Variants in AGBL4 observed in about 807,000 individuals in gnomAD.
The protein encoded by AGBL4 is AGBL carboxypeptidase 4, also known as cytosolic carboxypeptidase 6.
AGBL4 carries 58 observed loss-of-function variants against 66.4 expected under a neutral mutation model. That is an observed-to-expected ratio of 0.87 (90% CI 0.71 to 1.09). AGBL4 has a LOEUF of 1.09. Among genes scored for constraint, AGBL4 ranks in the 50% least tolerant of loss-of-function variants. The probability of loss-of-function intolerance (pLI) is 0.00; values close to 1 mark genes in which losing one functional copy is unlikely to be tolerated. For synonymous variants in AGBL4, 234 were observed against 222.9 expected (o/e 1.05, Z -0.44); for missense variants, 579 against 631.0 (o/e 0.92, Z 0.88).
chr1:48,953,019 G>A (rs1224377311), intron 5 of AGBL4, among the ~76,000 whole-genome samples: 4 of 152,120 alleles, frequency 2.6e-5, no homozygotes, highest in African/African-American at 7.2e-5. Flanking sequence ...GTTTCCGTGC[G>A]TGAAAATGGT....
chr1:49,838,609 A>G (rs560952553), intron 2 of AGBL4, among the ~76,000 whole-genome samples: 1 of 152,230 alleles, frequency 6.6e-6, no homozygotes, highest in Non-Finnish European at 1.5e-5. Flanking sequence ...AGTATATTAT[A>G]AAAATATTAT....
chr1:49,258,246 C>T (rs942997998), intron 3 of AGBL4, among the ~76,000 whole-genome samples: 8 of 152,270 alleles, frequency 5.3e-5, no homozygotes, highest in Non-Finnish European at 8.8e-5. Context: ...AAAAGCAGAG[C>T]GCCTCTCCTC....
chr1:49,979,467 CAA>C (rs777875738), intron 1 of AGBL4, among the ~76,000 whole-genome samples: 2 of 87,670 alleles, frequency 2.3e-5, no homozygotes, highest in Non-Finnish European at 4.7e-5. Context: ...GACTCCGCCT[CAA>C]AAAAAAAAAA....
chr1:50,001,825 C>T (rs1660778822), intron 1 of AGBL4, among the ~76,000 whole-genome samples: 1 of 152,104 alleles, frequency 6.6e-6, no homozygotes, highest in Non-Finnish European at 1.5e-5. Context: ...AAATAATTGA[C>T]AATCAATCTA....
chr1:48,702,957 G>T (rs563276363), intron 6 of AGBL4, among the ~76,000 whole-genome samples: 8 of 152,238 alleles, frequency 5.3e-5, no homozygotes, highest in South Asian at 4.1e-4. Context: ...ACAGTGAGGG[G>T]TTAACAGTGC....
intron 2 of AGBL4, among the ~76,000 whole-genome samples, chr1:49,782,951 T>C (rs536403106): frequency 2.0e-5 from 3 of 152,022 alleles, no homozygotes; most frequent in African/African-American, 7.2e-5. Flanking sequence ...TGTTATATAA[T>C]AGCAGCACAA....
intron 4 of AGBL4, among the ~76,000 whole-genome samples, chr1:49,104,315 C>T (rs1281909876): frequency 8.5e-5 from 13 of 152,152 alleles, no homozygotes; most frequent in Admixed American, 7.2e-4. Context: ...GTGAATCCCA[C>T]AGTTGACTGA....
At chr1:48,544,721 A>T (rs1469666299) in intron 11 of AGBL4, among the ~76,000 whole-genome samples, 3 of 151,992 alleles carry the variant, frequency 2.0e-5, no homozygotes, top group Non-Finnish European at 4.4e-5. Flanking sequence ...CTGCCCTGAG[A>T]CCCTGAGACC....
chr1:49,699,053 T>C (rs1647039105), intron 2 of AGBL4, among the ~76,000 whole-genome samples: 1 of 152,096 alleles, frequency 6.6e-6, no homozygotes, highest in South Asian at 2.1e-4. Context: ...GGTGAGACCA[T>C]AAATTAAACA....
At chr1:49,000,031 C>A (rs1011125391) in intron 5 of AGBL4, among the ~76,000 whole-genome samples, 1 of 152,154 alleles carries the variant, frequency 6.6e-6, no homozygotes, top group Admixed American at 6.5e-5. Context: ...TCCTTTGGAT[C>A]TCAGCTTCTT....
At chr1:49,285,090 C>T (rs1023063362) in intron 3 of AGBL4, among the ~76,000 whole-genome samples, 85 of 152,216 alleles carry the variant, frequency 5.6e-4, no homozygotes, top group African/African-American at 1.9e-3. Flanking sequence ...GCACACCACA[C>T]CTATTCCAAA....
In AGBL4 at chr1:48,736,515, T is replaced by G. The variant is rs1649084478; in HGVS notation, c.635-73274A>C. The G allele has an allele frequency of 7.1e-7, 1 of 1,415,060 alleles. No individual in the cohort carries two copies. The highest frequency in any genetic ancestry group is 1.4e-5 in the African/African-American group (1 of 69,810). The allele number at this position is 1,415,060 out of a possible 1,614,324, so 87.7% of individuals were successfully genotyped here. The stretch of plus-strand genomic sequence containing the variant: ...ACAGGAGGGCAGTGGGAGGCTTCTC[T>G]TGTCCTTTAAAAAGCATTGCTGCAC... On this transcript the variant is annotated intron_variant, in intron 6 of 13. Coordinates refer to ENST00000371839, the MANE Select transcript of AGBL4 (RefSeq NM_032785.4). The surrounding 1 kb of genome is among the most constrained non-coding windows in gnomAD (Gnocchi z 4.0).
chr1:49,777,767 G>GTA (rs1292318691), intron 2 of AGBL4, among the ~76,000 whole-genome samples: 2 of 152,132 alleles, frequency 1.3e-5, no homozygotes, highest in Non-Finnish European at 2.9e-5. Context: ...TTCCGGGAAT[G>GTA]GTGGTATGTG....
intron 4 of AGBL4, among the ~76,000 whole-genome samples, chr1:49,107,710 A>T (rs1645324199): frequency 1.3e-5 from 2 of 150,032 alleles, no homozygotes; most frequent in African/African-American, 4.9e-5. Flanking sequence ...AGAGAGAGAG[A>T]GAGAGAGAGA....
At chr1:49,488,395 T>A (rs1291493681) in intron 3 of AGBL4, among the ~76,000 whole-genome samples, 3 of 151,606 alleles carry the variant, frequency 2.0e-5, no homozygotes, top group African/African-American at 2.4e-5. Context: ...TGAATTTTTT[T>A]ATTAATTTTT....
intron 3 of AGBL4, among the ~76,000 whole-genome samples, chr1:49,411,097 G>C (rs982109646): frequency 2.6e-5 from 4 of 152,156 alleles, no homozygotes; most frequent in African/African-American, 7.2e-5. Context: ...GCAGTGGTTC[G>C]GTCCAAGTCC....
At chr1:48,555,377 A>G (rs1042252121) in intron 11 of AGBL4, among the ~76,000 whole-genome samples, 1 of 152,244 alleles carries the variant, frequency 6.6e-6, no homozygotes, top group African/African-American at 2.4e-5. Context: ...ATTGAAATCC[A>G]GGTGACTGGA....
chr1:48,867,397 G>C (rs775573470), intron 5 of AGBL4, among the ~76,000 whole-genome samples, 167 bp from the exon 6 acceptor site: 1 of 152,182 alleles, frequency 6.6e-6, no homozygotes, highest in East Asian at 1.9e-4. Context: ...GTACCCTAGA[G>C]ACAAAGGGGG....
At chr1:50,006,068 G>C (rs544140069) in intron 1 of AGBL4, among the ~76,000 whole-genome samples, 2 of 152,162 alleles carry the variant, frequency 1.3e-5, no homozygotes, top group African/African-American at 4.8e-5. Flanking sequence ...GGCCAGGTGC[G>C]GTGGCTCACG....
Sources: gnomAD v4.1 joint callset for allele counts (sites outside exome capture counted in the v4.1 genomes callset) on GRCh38, gnomAD v4.1.1 for gene constraint, Gnocchi (gnomAD v3.1) non-coding constraint, MANE v1.5 for transcripts, NCBI Gene and HGNC (gene_info 2026-07-23, HGNC 2026-07-21) for gene names.